Variants in SPECC1L observed in about 807,000 individuals in gnomAD.
The protein encoded by SPECC1L is sperm antigen with calponin homology and coiled-coil domains 1 like.
Under a neutral mutation model 116.8 loss-of-function variants are expected in SPECC1L, and 40 were observed. The ratio of observed to expected loss-of-function variants is 0.34; its 90% CI spans 0.27 to 0.45. The LOEUF (loss-of-function observed/expected upper bound fraction) is 0.45, where lower values mean the gene tolerates loss of function less well. Among genes scored for constraint, SPECC1L ranks in the 20% least tolerant of loss-of-function variants. The pLI, the probability that SPECC1L is intolerant of heterozygous loss-of-function variation, is 1.00. For missense variants in SPECC1L, 1,110 were observed against 1,373.6 expected (o/e 0.81, Z 3.03); for synonymous variants, 504 against 500.6 (o/e 1.01, Z -0.09).
rs1287661841 is a variant in SPECC1L, at chr22:24,414,911, C to T, written c.*288C>T. 17 of 466,400 alleles carry T rather than the reference C, an allele frequency of 3.6e-5. No homozygotes were observed. In the Admixed American group the frequency reaches 5.7e-4, roughly 16 times the overall value. The allele number at this position is 466,400 out of a possible 1,614,324, so 28.9% of individuals were successfully genotyped here. On this transcript the variant is annotated 3_prime_UTR_variant, in exon 17 of 17. Coordinates refer to ENST00000314328, the MANE Select transcript of SPECC1L (RefSeq NM_015330.6). ...TTTTCCTTCTGAAGAGAATATTGAA[C>T]TACACTAGTGCTCCAGGGCACCAAA...
At chr22:24,367,411 A>G (rs1023879601) in intron 13 of SPECC1L, among the ~76,000 whole-genome samples, 10 of 152,022 alleles carry the variant, frequency 6.6e-5, no homozygotes, top group Non-Finnish European at 1.2e-4. Context: ...AACTTTCTTA[A>G]AATATTATGA....
intron 3 of SPECC1L, among the ~76,000 whole-genome samples, chr22:24,312,835 A>G (rs1198281954): frequency 2.0e-5 from 3 of 152,238 alleles, no homozygotes; most frequent in African/African-American, 7.2e-5. Flanking sequence ...AATTGTGACT[A>G]AAATTTGATT....
intron 8 of SPECC1L, among the ~76,000 whole-genome samples, chr22:24,330,657 G>A (rs943572711): frequency 4.6e-5 from 7 of 152,276 alleles, no homozygotes; most frequent in African/African-American, 1.7e-4. Flanking sequence ...CAACTCTGGA[G>A]GGAGCCAGGA....
chr22:24,413,963 T>A (rs905317103), intron 16 of SPECC1L, among the ~76,000 whole-genome samples: 1 of 152,046 alleles, frequency 6.6e-6, no homozygotes, highest in African/African-American at 2.4e-5. Context: ...TTAAAGGCTG[T>A]GAGACACTGG....
Position 24,313,433 on chromosome 22 carries a change from A to C in SPECC1L, c.274A>C (p.Thr92Pro). 7 of 1,614,150 alleles carry C rather than the reference A, an allele frequency of 4.3e-6. No individual in the cohort carries two copies. The highest frequency in any genetic ancestry group is 5.9e-6 in the Non-Finnish European group (7 of 1,180,034). The change falls in exon 4 of 17, where the codon ACC becomes CCC. Residue 92 changes from threonine (T) to proline (P), a missense_variant. Transcript: ENST00000314328. ...ACCTTCAGCATCTGCCCCTGCCATG[A>C]CCACCGTGGAGAACAAATCCAAGAT... The part of the protein sequence containing the change: ...AAPSASAPAM[T>P]TVENKSKIST...
chr22:24,412,739 G>A, intron 16 of SPECC1L, 32 bp downstream of exon 16: 5 of 1,610,920 alleles, frequency 3.1e-6, no homozygotes, highest in Non-Finnish European at 4.2e-6. Context: ...TCACTGGCAG[G>A]GCCCTCCTTC....
intron 2 of SPECC1L, among the ~76,000 whole-genome samples, chr22:24,281,062 G>A (rs1280125193): frequency 6.6e-6 from 1 of 152,172 alleles, no homozygotes. Context: ...GGGAAGCCAA[G>A]CCAGGGAGTT....
chr22:24,311,768 G>C (rs2040464428), intron 3 of SPECC1L, among the ~76,000 whole-genome samples: 2 of 137,454 alleles, frequency 1.5e-5, no homozygotes, highest in African/African-American at 5.6e-5. Flanking sequence ...TCATGCCAGT[G>C]CACTCCAGCC....
At chr22:24,323,024 T>C in intron 5 of SPECC1L, 106 bp downstream of exon 5, 2 of 1,464,806 alleles carry the variant, frequency 1.4e-6, no homozygotes, top group Non-Finnish European at 1.8e-6. Context: ...TGTTATTAGC[T>C]TTTTTTTAAA....
intron 14 of SPECC1L, among the ~76,000 whole-genome samples, chr22:24,371,750 C>T (rs534772958): frequency 1.3e-5 from 2 of 152,314 alleles, no homozygotes; most frequent in African/African-American, 4.8e-5. Flanking sequence ...GAGACAGAGT[C>T]TCATTCTGTC....
chr22:24,287,551 C>T (rs1206170603), intron 2 of SPECC1L, among the ~76,000 whole-genome samples: 4 of 152,094 alleles, frequency 2.6e-5, no homozygotes, highest in African/African-American at 9.7e-5. Context: ...GCGTCTTGAC[C>T]GTTTAAAAAT....
chr22:24,401,491 C>T (rs2042473051), intron 14 of SPECC1L, among the ~76,000 whole-genome samples: 1 of 152,206 alleles, frequency 6.6e-6, no homozygotes. Context: ...CTGGGTAATT[C>T]TGTCACTCCT....
chr22:24,359,590 A>G (rs540589871), intron 11 of SPECC1L, among the ~76,000 whole-genome samples: 3 of 151,876 alleles, frequency 2.0e-5, no homozygotes, highest in Admixed American at 6.6e-5. Context: ...TGCCAACTAG[A>G]TAAAGTCCAA....
chr22:24,318,865 T>G (rs1016235837), intron 4 of SPECC1L, among the ~76,000 whole-genome samples: 3 of 151,556 alleles, frequency 2.0e-5, no homozygotes, highest in Admixed American at 6.6e-5. Context: ...GGAGGTAGAG[T>G]TGCCGTGAGC....
chr22:24,371,131 T>G (rs2196264), intron 14 of SPECC1L, among the ~76,000 whole-genome samples: 5,148 of 152,168 alleles, frequency 0.034, 178 homozygotes, highest in African/African-American at 0.083. Context: ...AAGATTGAGA[T>G]AAGACCAGAT....
intron 2 of SPECC1L, among the ~76,000 whole-genome samples, chr22:24,284,697 A>C (rs1046425310): frequency 3.3e-5 from 5 of 152,206 alleles, no homozygotes; most frequent in African/African-American, 1.2e-4. Context: ...GGCCTCTGAA[A>C]GTGCTGGGAT....
chr22:24,344,544 T>C (rs2146552826), intron 10 of SPECC1L, among the ~76,000 whole-genome samples: 1 of 151,688 alleles, frequency 6.6e-6, no homozygotes, highest in South Asian at 2.1e-4. Flanking sequence ...GTCACCACTT[T>C]TGTTCAGCAT....
intron 14 of SPECC1L, among the ~76,000 whole-genome samples, chr22:24,381,758 C>T (rs931056683): frequency 6.6e-6 from 1 of 152,140 alleles, no homozygotes; most frequent in Non-Finnish European, 1.5e-5. Flanking sequence ...GTGGCAGGCG[C>T]CTGTAGTCCC....
At chr22:24,342,930 C>T (rs1031511918) in intron 10 of SPECC1L, among the ~76,000 whole-genome samples, 2 of 152,102 alleles carry the variant, frequency 1.3e-5, no homozygotes, top group African/African-American at 2.4e-5. Context: ...CAGTGGCTCA[C>T]GCCTATAATC....
Sources: allele counts gnomAD v4.1 joint callset (sites outside exome capture counted in the v4.1 genomes callset), GRCh38; gene constraint gnomAD v4.1.1; transcripts MANE v1.5; gene names NCBI Gene and HGNC (gene_info 2026-07-23, HGNC 2026-07-21).